The following ERBIN variants were observed in gnomAD, a reference collection of about 807,000 sequenced individuals.
ERBIN encodes erbb2 interacting protein, also known as densin-180-like protein.
In ERBIN, 60 loss-of-function variants were observed where a neutral mutation model predicts 158.4. The observed-to-expected ratio is 0.38, with a 90% CI of 0.31 to 0.47. The LOEUF (loss-of-function observed/expected upper bound fraction) is 0.47. Among genes scored for constraint, ERBIN ranks in the 20% least tolerant of loss-of-function variants. The probability of loss-of-function intolerance (pLI) is 0.99; values close to 1 mark genes in which losing one functional copy is unlikely to be tolerated. For synonymous variants in ERBIN, 594 were observed against 557.2 expected, an observed-to-expected ratio of 1.07 and a Z score of -0.93; for missense variants, 1,610 against 1,648.0, an observed-to-expected ratio of 0.98 and a Z score of 0.40.
At chr5:66,063,241 G>A (rs1032073273) in intron 21 of ERBIN, among the ~76,000 whole-genome samples, 1 of 152,196 alleles carries the variant, frequency 6.6e-6, no homozygotes, top group Admixed American at 6.5e-5. Flanking sequence ...GGGCAATGGC[G>A]GGTGCCCCTC....
At chr5:66,023,403 G>C (rs754632832) in intron 9 of ERBIN, 39 bp downstream of exon 9, 1 of 1,383,762 alleles carries the variant, frequency 7.2e-7, no homozygotes, top group South Asian at 1.3e-5. Flanking sequence ...ACTTATTTCT[G>C]GCTCTCCTTT....
At position 66,045,869 on chromosome 5, in the gene ERBIN, T is replaced by A. The variant is rs1391237266; in HGVS notation, c.1603-484T>A. On this transcript the variant is annotated intron_variant, in intron 17 of 25. Transcript: ENST00000284037. ...ATTCTCATTTTAAATGTAATTGCAA[T>A]GACAGACAGTTGGCATTTCCTTGCG... Among the ~76,000 whole-genome samples the A allele has an allele frequency of 2.0e-5, 3 of 152,254 alleles. No individual in the cohort carries two copies. The East Asian group carries it at 5.8e-4, about 29-fold the overall frequency.
chr5:66,054,692 G>C lies in ERBIN; in HGVS notation c.3374G>C (p.Arg1125Thr). The change falls in exon 21 of 26, where the codon AGA (arginine) becomes ACA (threonine). Residue 1125 changes from arginine to threonine, a missense_variant. Coordinates refer to ENST00000284037, the MANE Select transcript of ERBIN (RefSeq NM_001253697.2). ...RTPPMMPGSQ[R>T]PLSARTYSID... ...CCTCCAATGATGCCAGGATCACAGA[G>C]ACCCCTTTCTGCACGAACATACAGC... 9.9e-6 allele frequency: 16 copies of C among 1,614,082 alleles called. No individual in the cohort carries two copies. The highest frequency in any genetic ancestry group is 1.4e-5 in the Non-Finnish European group (16 of 1,180,010).
chr5:65,931,486 G>C (rs1405147962), intron 1 of ERBIN, among the ~76,000 whole-genome samples: 3 of 152,184 alleles, frequency 2.0e-5, no homozygotes, highest in Non-Finnish European at 4.4e-5. Flanking sequence ...AATAGTAATA[G>C]TCCTAAGGCA....
chr5:65,997,228 T>C (rs1262810370), intron 4 of ERBIN, among the ~76,000 whole-genome samples: 3 of 152,238 alleles, frequency 2.0e-5, no homozygotes, highest in Non-Finnish European at 4.4e-5. Flanking sequence ...TTAAGTATGA[T>C]GTGAGCTGTG....
At chr5:66,034,974 GTCT>G (rs1159030453) in intron 14 of ERBIN, among the ~76,000 whole-genome samples, 1 of 152,164 alleles carries the variant, frequency 6.6e-6, no homozygotes, top group Non-Finnish European at 1.5e-5. Flanking sequence ...AGGAATAGTA[GTCT>G]TGCTGAGGGT....
intron 1 of ERBIN, among the ~76,000 whole-genome samples, chr5:65,931,009 G>A (rs1743307276): frequency 7.1e-6 from 1 of 140,890 alleles, no homozygotes; most frequent in Non-Finnish European, 1.5e-5. Context: ...CGATAGAAAA[G>A]GAGAATATCT....
chr5:65,978,519 A>G (rs1750287476), intron 1 of ERBIN, among the ~76,000 whole-genome samples: 2 of 152,252 alleles, frequency 1.3e-5, no homozygotes, highest in Non-Finnish European at 2.9e-5. Flanking sequence ...GGACTCAAGG[A>G]AGCCTTAGTG....
chr5:65,966,773 C>CATAGGAG (rs1489162258), intron 1 of ERBIN, among the ~76,000 whole-genome samples: 1 of 146,734 alleles, frequency 6.8e-6, no homozygotes, highest in African/African-American at 2.5e-5. Flanking sequence ...GCATTGTTAT[C>CATAGGAG]ATAGGAGATG....
At chr5:65,957,194 G>C (rs1252689370) in intron 1 of ERBIN, among the ~76,000 whole-genome samples, 1 of 151,062 alleles carries the variant, frequency 6.6e-6, no homozygotes, top group South Asian at 2.1e-4. Flanking sequence ...TTCAATGTAG[G>C]ATTTTTTTTT....
chr5:66,048,022 G>A (rs1423390311), intron 18 of ERBIN, among the ~76,000 whole-genome samples: 1 of 151,908 alleles, frequency 6.6e-6, no homozygotes, highest in East Asian at 1.9e-4. Context: ...CCTTGAGAAG[G>A]GGGCATTTCA....
At chr5:65,984,648 A>G (rs979505939) in intron 1 of ERBIN, 1 of 152,322 alleles carries the variant, frequency 6.6e-6, no homozygotes, top group Non-Finnish European at 1.5e-5. Flanking sequence ...TTTGGCCTGA[A>G]ATAGATAAAG....
Sources: allele counts gnomAD v4.1 joint callset (sites outside exome capture counted in the v4.1 genomes callset), GRCh38; gene constraint gnomAD v4.1.1; transcripts MANE v1.5; gene names NCBI Gene and HGNC (gene_info 2026-07-23, HGNC 2026-07-21).